Variants in PACRG observed in about 807,000 individuals in gnomAD.
PACRG encodes the protein parkin coregulated.
In PACRG, 29 loss-of-function variants were observed where a neutral mutation model predicts 29.7. The ratio of observed to expected loss-of-function variants is 0.98; its 90% CI spans 0.73 to 1.33. PACRG has a LOEUF of 1.33. Ranked by LOEUF, PACRG falls within the 40% of genes most tolerant of loss-of-function variation. The pLI, the probability that PACRG is intolerant of heterozygous loss-of-function variation, is 0.00. For synonymous variants in PACRG, 116 were observed against 118.7 expected, an observed-to-expected ratio of 0.98 and a Z score of 0.15; for missense variants, 279 against 316.2, an observed-to-expected ratio of 0.88 and a Z score of 0.89.
intron 1 of PACRG, among the ~76,000 whole-genome samples, chr6:162,796,246 C>A (rs1004697674): frequency 6.6e-6 from 1 of 152,024 alleles, no homozygotes; most frequent in Admixed American, 6.5e-5. Context: ...TTCTTTATTT[C>A]TTCATTTTCA....
chr6:162,798,384 ATTTT>A (rs1175074486), intron 1 of PACRG, among the ~76,000 whole-genome samples: 1 of 151,956 alleles, frequency 6.6e-6, no homozygotes, highest in African/African-American at 2.4e-5. Flanking sequence ...CCAGAAATAC[ATTTT>A]TTTCTGGTGT....
intron 2 of PACRG, among the ~76,000 whole-genome samples, chr6:162,998,044 T>A (rs1417031036): frequency 6.6e-6 from 1 of 152,204 alleles, no homozygotes; most frequent in East Asian, 1.9e-4. Flanking sequence ...TAGATTGGGA[T>A]AATAATAGTA....
chr6:162,730,000 G>T (rs958854958), intron 1 of PACRG, among the ~76,000 whole-genome samples: 1 of 151,132 alleles, frequency 6.6e-6, no homozygotes, highest in Non-Finnish European at 1.5e-5. Context: ...ATTGGAAATC[G>T]TAATTCTTAA....
chr6:162,813,597 C>T (rs1411849458), intron 1 of PACRG, among the ~76,000 whole-genome samples: 1 of 152,096 alleles, frequency 6.6e-6, no homozygotes, highest in Non-Finnish European at 1.5e-5. Context: ...GCTGTACACA[C>T]ACATAGTAGG....
chr6:162,779,807 C>A (rs113317411), intron 1 of PACRG, among the ~76,000 whole-genome samples: 6 of 152,284 alleles, frequency 3.9e-5, no homozygotes, highest in African/African-American at 1.4e-4. Context: ...CCTGAAACAA[C>A]TTTAGACAAG....
intron 2 of PACRG, among the ~76,000 whole-genome samples, chr6:162,962,274 G>T (rs1341380291): frequency 1.3e-5 from 2 of 149,256 alleles, no homozygotes; most frequent in East Asian, 4.0e-4. Context: ...CAGAGACTAT[G>T]TCTTACTCAT....
At chr6:163,020,596 C>T (rs1056254429) in intron 2 of PACRG, among the ~76,000 whole-genome samples, 5 of 152,290 alleles carry the variant, frequency 3.3e-5, no homozygotes, top group Admixed American at 1.3e-4. Context: ...CAGCAGCGTT[C>T]GCATCATGGT....
intron 1 of PACRG, among the ~76,000 whole-genome samples, chr6:162,738,163 A>T (rs55829877): frequency 0.25 from 37,563 of 151,962 alleles, 5,422 homozygotes; most frequent in African/African-American, 0.39. Flanking sequence ...AAATTTGTAT[A>T]CATTATTCCT....
At chr6:163,002,515 A>T (rs1804681269) in intron 2 of PACRG, among the ~76,000 whole-genome samples, 1 of 152,216 alleles carries the variant, frequency 6.6e-6, no homozygotes, top group Non-Finnish European at 1.5e-5. Context: ...ATGATTAAGA[A>T]AAGAGCAACT....
chr6:163,127,926 T>C (rs1816581781), intron 4 of PACRG, among the ~76,000 whole-genome samples: 1 of 152,260 alleles, frequency 6.6e-6, no homozygotes, highest in South Asian at 2.1e-4. Context: ...CACTTGTTTT[T>C]GTAATCCATC....
intron 2 of PACRG, among the ~76,000 whole-genome samples, chr6:162,874,417 T>C (rs1370294236): frequency 6.6e-6 from 1 of 152,120 alleles, no homozygotes; most frequent in East Asian, 1.9e-4. Context: ...CTCATCCATC[T>C]TCCTTCTTAG....
chr6:163,066,298 G>A (rs1203076027), intron 3 of PACRG, among the ~76,000 whole-genome samples: 3 of 152,180 alleles, frequency 2.0e-5, no homozygotes, highest in African/African-American at 7.2e-5. Context: ...CATCTTGGGC[G>A]TGATTTTACC....
intron 2 of PACRG, among the ~76,000 whole-genome samples, chr6:163,045,953 G>A (rs1196152037): frequency 6.6e-6 from 1 of 152,022 alleles, no homozygotes; most frequent in African/African-American, 2.4e-5. Flanking sequence ...ACTCCTATAC[G>A]TTGATCTTCC....
chr6:163,184,028 T>C (rs1779798778), intron 4 of PACRG, among the ~76,000 whole-genome samples: 2 of 152,224 alleles, frequency 1.3e-5, no homozygotes, highest in African/African-American at 2.4e-5. Flanking sequence ...AGATTTAGCT[T>C]TGCCAAACTT....
At chr6:163,300,310 T>G (rs990795264) in intron 4 of PACRG, among the ~76,000 whole-genome samples, 1 of 152,216 alleles carries the variant, frequency 6.6e-6, no homozygotes, top group East Asian at 1.9e-4. Context: ...AGCTCTGATG[T>G]CTACCCCATC....
chr6:163,130,210 T>C (rs1223688262), intron 4 of PACRG, among the ~76,000 whole-genome samples: 1 of 152,226 alleles, frequency 6.6e-6, no homozygotes, highest in Non-Finnish European at 1.5e-5. Flanking sequence ...CCCACTGGAA[T>C]GAAGGTGGCT....
chr6:162,836,077 T>C (rs1289789989), intron 2 of PACRG, among the ~76,000 whole-genome samples: 1 of 152,192 alleles, frequency 6.6e-6, no homozygotes, highest in African/African-American at 2.4e-5. Flanking sequence ...TATTTTTGCA[T>C]GGCTTTAAGG....
intron 4 of PACRG, among the ~76,000 whole-genome samples, chr6:163,220,469 C>T (rs1242482011): frequency 2.6e-5 from 4 of 152,110 alleles, no homozygotes; most frequent in East Asian, 1.9e-4. Flanking sequence ...AACAAGGGTA[C>T]GAGGCAGGAG....
At chr6:162,805,523 C>T (rs188108649) in intron 1 of PACRG, among the ~76,000 whole-genome samples, 12 of 152,216 alleles carry the variant, frequency 7.9e-5, no homozygotes, top group Admixed American at 2.0e-4. Flanking sequence ...AATAAGACAA[C>T]AATGAAATTT....
Sources: gnomAD v4.1 joint callset for allele counts (sites outside exome capture counted in the v4.1 genomes callset) on GRCh38, gnomAD v4.1.1 for gene constraint, MANE v1.5 for transcripts, NCBI Gene and HGNC (gene_info 2026-07-23, HGNC 2026-07-21) for gene names.